UST: variants seen among roughly 807,000 people sequenced by gnomAD.
UST encodes uronyl 2-sulfotransferase, also known as chondroitin sulfate 2-O-sulfotransferase.
A neutral mutation model predicts 45.6 loss-of-function variants in UST; 21 were observed. The observed-to-expected ratio is 0.46, with a 90% CI of 0.33 to 0.66. UST has a LOEUF of 0.66. UST is among the 30% of genes least tolerant of loss of function. UST has a pLI of 0.02. For synonymous variants in UST, 215 were observed against 200.6 expected (o/e 1.07, Z -0.61); for missense variants, 463 against 512.4 (o/e 0.90, Z 0.93).
At chr6:148,985,848 A>G (rs12207913) in intron 5 of UST, among the ~76,000 whole-genome samples, 52,785 of 152,048 alleles carry the variant, frequency 0.35, 9,827 homozygotes, top group Non-Finnish European at 0.42. Flanking sequence ...TACACAACCT[A>G]AAGGGCTTCT....
chr6:148,964,054 A>G (rs1780725457), intron 4 of UST, among the ~76,000 whole-genome samples: 1 of 152,212 alleles, frequency 6.6e-6, no homozygotes, highest in South Asian at 2.1e-4. Context: ...GCCATTGGAA[A>G]TACTAAATCC....
At chr6:148,936,844 T>C (rs1780036399) in intron 2 of UST, among the ~76,000 whole-genome samples, 1 of 152,008 alleles carries the variant, frequency 6.6e-6, no homozygotes, top group Non-Finnish European at 1.5e-5. Flanking sequence ...TACAGGCACC[T>C]GCCACCACTC....
chr6:149,063,326 A>G (rs1776682937), intron 7 of UST, among the ~76,000 whole-genome samples: 2 of 152,216 alleles, frequency 1.3e-5, no homozygotes, highest in Non-Finnish European at 2.9e-5. Context: ...GGAAATTTTC[A>G]ATAGTTATCA....
intron 7 of UST, among the ~76,000 whole-genome samples, chr6:149,061,930 T>C (rs1178199660): frequency 6.6e-6 from 1 of 152,224 alleles, no homozygotes; most frequent in African/African-American, 2.4e-5. Context: ...CCAAAAGTGA[T>C]GGCAAATTAA....
chr6:148,948,746 T>G (rs1780296513), intron 3 of UST, among the ~76,000 whole-genome samples: 1 of 152,218 alleles, frequency 6.6e-6, no homozygotes, highest in Non-Finnish European at 1.5e-5. Context: ...AAAATTTATA[T>G]TCCATAAACC....
At chr6:148,883,906 C>A (rs1339615941) in intron 1 of UST, among the ~76,000 whole-genome samples, 1 of 152,088 alleles carries the variant, frequency 6.6e-6, no homozygotes, top group Non-Finnish European at 1.5e-5. Flanking sequence ...CCGAGGCGGG[C>A]AGATCACTTG....
At chr6:148,798,695 G>T (rs372891859) in intron 1 of UST, among the ~76,000 whole-genome samples, 2 of 152,086 alleles carry the variant, frequency 1.3e-5, no homozygotes, top group Admixed American at 1.3e-4. Flanking sequence ...GGAGAGCTTC[G>T]AGAAGGGATG....
chr6:149,001,785 A>G (rs1781554636), intron 5 of UST, among the ~76,000 whole-genome samples: 1 of 152,246 alleles, frequency 6.6e-6, no homozygotes, highest in Non-Finnish European at 1.5e-5. Flanking sequence ...AATGTTAGTA[A>G]AATGAGTTGA....
chr6:148,897,750 C>G (rs776861449), intron 2 of UST, among the ~76,000 whole-genome samples: 11 of 152,132 alleles, frequency 7.2e-5, no homozygotes, highest in Non-Finnish European at 1.3e-4. Flanking sequence ...CTCGGCCTCC[C>G]AAAGTGTTGG....
At chr6:148,815,950 T>C (rs1346752397) in intron 1 of UST, among the ~76,000 whole-genome samples, 1 of 152,206 alleles carries the variant, frequency 6.6e-6, no homozygotes. Context: ...CCTTTTTTCT[T>C]ATCTTCCTGT....
At chr6:148,847,985 AC>A (rs1420558506) in intron 1 of UST, among the ~76,000 whole-genome samples, 1 of 152,032 alleles carries the variant, frequency 6.6e-6, no homozygotes, top group East Asian at 1.9e-4. Flanking sequence ...TGGCAGAGTG[AC>A]CCCCTATAAC....
chr6:148,774,776 C>T (rs1455893884), intron 1 of UST, among the ~76,000 whole-genome samples: 3 of 152,082 alleles, frequency 2.0e-5, no homozygotes, highest in Admixed American at 1.3e-4. Context: ...CCTAGCACTT[C>T]GGGAGGCCAA....
chr6:148,944,391 A>G (rs1034830135), intron 3 of UST, among the ~76,000 whole-genome samples: 2 of 152,090 alleles, frequency 1.3e-5, no homozygotes, highest in African/African-American at 4.8e-5. Flanking sequence ...GAACTTTGGA[A>G]TATTATCCAT....
At chr6:148,786,298 C>T (rs920878050) in intron 1 of UST, among the ~76,000 whole-genome samples, 1 of 152,068 alleles carries the variant, frequency 6.6e-6, no homozygotes, top group Non-Finnish European at 1.5e-5. Flanking sequence ...GTAAACATGT[C>T]CCATGGTGGT....
At chr6:148,763,643 A>G (rs192188736) in intron 1 of UST, among the ~76,000 whole-genome samples, 9 of 152,262 alleles carry the variant, frequency 5.9e-5, no homozygotes, top group Admixed American at 5.2e-4. Flanking sequence ...TTTACCTTTA[A>G]GTCTTTAATT....
chr6:148,777,977 T>C (rs1776567371), intron 1 of UST, among the ~76,000 whole-genome samples: 1 of 152,210 alleles, frequency 6.6e-6, no homozygotes. Context: ...CTAGCCTAGG[T>C]GTAGAGTAGG....
At chr6:148,866,781 T>C (rs1350218012) in intron 1 of UST, among the ~76,000 whole-genome samples, 1 of 152,210 alleles carries the variant, frequency 6.6e-6, no homozygotes, top group Non-Finnish European at 1.5e-5. Flanking sequence ...TTTGCTTCAA[T>C]GCCTCTTTGT....
chr6:148,936,573 CTTTTTTT>C (rs138494669), intron 2 of UST, among the ~76,000 whole-genome samples: 2,094 of 85,278 alleles, frequency 0.025, 22 homozygotes, highest in Non-Finnish European at 0.032. Flanking sequence ...AAAATCAGTC[CTTTTTTT>C]TTTTTTTTTT....
At chr6:148,864,611 C>G (rs1054555289) in intron 1 of UST, among the ~76,000 whole-genome samples, 3 of 152,238 alleles carry the variant, frequency 2.0e-5, no homozygotes, top group Admixed American at 6.5e-5. Context: ...GGAACCGTTC[C>G]TATTCATCCA....
Sources: gnomAD v4.1 joint callset for allele counts (sites outside exome capture counted in the v4.1 genomes callset) on GRCh38, gnomAD v4.1.1 for gene constraint, MANE v1.5 for transcripts, NCBI Gene and HGNC (gene_info 2026-07-23, HGNC 2026-07-21) for gene names.